PCDHGA2: variants seen among roughly 807,000 people sequenced by gnomAD.
PCDHGA2 encodes protocadherin gamma subfamily A, 2.
PCDHGA2 carries 40 observed loss-of-function variants against 59.2 expected under a neutral mutation model. The ratio of observed to expected loss-of-function variants is 0.68; its 90% CI spans 0.52 to 0.88. The LOEUF (loss-of-function observed/expected upper bound fraction) is 0.88. PCDHGA2 is among the 40% of genes least tolerant of loss of function. PCDHGA2 has a pLI of 0.00. For missense variants in PCDHGA2, 1,226 were observed against 1,204.0 expected (o/e 1.02, Z -0.27); for synonymous variants, 560 against 526.0 (o/e 1.06, Z -0.89).
intron 1 of PCDHGA2, chr5:141,346,041 G>A (rs1757686734): frequency 1.2e-6 from 2 of 1,613,522 alleles, no homozygotes; most frequent in Non-Finnish European, 1.7e-6. Flanking sequence ...CAGGATCCCC[G>A]ACATCCTGGC....
intron 1 of PCDHGA2, chr5:141,414,817 A>C: frequency 6.2e-7 from 1 of 1,614,214 alleles, no homozygotes; most frequent in Non-Finnish European, 8.5e-7. Context: ...TCCACTCAGC[A>C]GCAACGTGTC....
chr5:141,383,072 AG>A lies in PCDHGA2; in HGVS notation c.2424+41678del, dbSNP rs747790551. ...AAGGACCTGGGGCTGGAGCCCCGGG[AG>A]CTGGCGGAGCGCGGAGTCCGCATCA... On this transcript the variant is annotated intron_variant, in intron 1 of 3. Transcript: ENST00000394576. The A allele has an allele frequency of 4.3e-6, 7 of 1,613,710 alleles. No homozygotes were observed. In the African/African-American group the frequency reaches 6.7e-5, roughly 15 times the overall value.
At chr5:141,403,960 G>A (rs775638627) in intron 1 of PCDHGA2, 10 of 1,613,658 alleles carry the variant, frequency 6.2e-6, no homozygotes, top group East Asian at 4.5e-5. Flanking sequence ...TGCTCATTTC[G>A]GTGGAAGATG....
intron 1 of PCDHGA2, chr5:141,418,610 C>T: frequency 6.2e-7 from 1 of 1,614,054 alleles, no homozygotes; most frequent in Non-Finnish European, 8.5e-7. Context: ...CAGGGTTAGC[C>T]TTCGGGAAGA....
In PCDHGA2 at chr5:141,431,775, A is replaced by T; in HGVS notation, c.2425-63032A>T. 6.2e-7 allele frequency: 1 copy of T among 1,614,204 alleles called. No homozygotes were observed. Among genetic ancestry groups the T allele is most frequent in the Non-Finnish European group, 8.5e-7 (1 of 1,180,024 alleles). ...GCCAAAGTCCTGATCACTGTTCTGG[A>T]CGTGAACGACAATGCCCCAGAAGTG... On this transcript the variant is annotated intron_variant, in intron 1 of 3. Transcript: ENST00000394576. This position sits in a 1 kb window ranked among gnomAD's most constrained non-coding sequence, Gnocchi z 4.8.
intron 1 of PCDHGA2, chr5:141,414,681 G>A: frequency 6.2e-7 from 1 of 1,613,954 alleles, no homozygotes; most frequent in African/African-American, 1.3e-5. Context: ...CCATCCAGGG[G>A]GTACCTCTGT....
Position 141,491,095 on chromosome 5 carries a change from T to C in PCDHGA2, c.2425-3712T>C, listed in dbSNP as rs1366401829. On this transcript the variant is annotated intron_variant, in intron 1 of 3. Coordinates refer to ENST00000394576, the MANE Select transcript of PCDHGA2 (RefSeq NM_018915.4). The surrounding 1 kb of genome is among the most constrained non-coding windows in gnomAD (Gnocchi z 6.9). ...GCCACAGTCCACAGCCCCAGGACTG[T>C]TCCTCGTGTCTACACACACTGGTGA... The C allele has an allele frequency of 3.7e-6, 6 of 1,614,154 alleles. No homozygotes were observed. The highest frequency in any genetic ancestry group is 4.2e-6 in the Non-Finnish European group (5 of 1,180,014).
intron 3 of PCDHGA2, 110 bp from the exon 4 acceptor site, chr5:141,510,837 G>A (rs969654751): frequency 1.3e-6 from 2 of 1,586,392 alleles, no homozygotes; most frequent in Non-Finnish European, 8.6e-7. Context: ...GCTCAGCGTG[G>A]TCAAGGCCCA....
chr5:141,478,092 C>T (rs2099429960), intron 1 of PCDHGA2: 1 of 1,614,156 alleles, frequency 6.2e-7, no homozygotes, highest in Non-Finnish European at 8.5e-7. Flanking sequence ...CTCTCCACCA[C>T]TGCTACCCTC....
At chr5:141,507,724 G>A (rs2099862962) in intron 3 of PCDHGA2, among the ~76,000 whole-genome samples, 1 of 152,256 alleles carries the variant, frequency 6.6e-6, no homozygotes. Context: ...CTCCAAGCAA[G>A]TCATGCAGCT....
chr5:141,397,910 C>T lies in PCDHGA2; in HGVS notation c.2424+56515C>T. 5 of 680,806 alleles carry T rather than the reference C, an allele frequency of 7.3e-6. No individual in the cohort carries two copies. The South Asian group carries it at 8.1e-5, about 11-fold the overall frequency. 42.2% of individuals were successfully genotyped at this position (680,806 alleles called of 1,614,324 possible). On this transcript the variant is annotated intron_variant, in intron 1 of 3. Transcript: ENST00000394576. ...TGGCCAAAGTGCAGAGCTTGGCGCT[C>T]CAGATCTCCTCGCGCAGCCGCAGCG...
At chr5:141,478,163 C>T (rs779617960) in intron 1 of PCDHGA2, 1 of 1,614,028 alleles carries the variant, frequency 6.2e-7, no homozygotes, top group Non-Finnish European at 8.5e-7. Context: ...TGGCTCTGCC[C>T]CCCGGGAGCA....
At position 141,489,800 on chromosome 5, in the gene PCDHGA2, A is replaced by T. The variant is rs2099692478; in HGVS notation, c.2425-5007A>T. 1 of 1,614,166 alleles carries T rather than the reference A, an allele frequency of 6.2e-7. No homozygotes were observed. Among genetic ancestry groups the T allele is most frequent in the Non-Finnish European group, 8.5e-7 (1 of 1,179,994 alleles). On this transcript the variant is annotated intron_variant, in intron 1 of 3. Coordinates refer to ENST00000394576, the MANE Select transcript of PCDHGA2 (RefSeq NM_018915.4). This position sits in a 1 kb window ranked among gnomAD's most constrained non-coding sequence, Gnocchi z 4.5. ...TCTCTGAATGTGAAGACCCTAAAAG[A>T]TGGGAAGCCATTCCCAGAGCTGGTG...
At chr5:141,499,019 AGGAAGGAAGAAAAG>A (rs2099788655) in intron 2 of PCDHGA2, among the ~76,000 whole-genome samples, 1 of 150,840 alleles carries the variant, frequency 6.6e-6, no homozygotes, top group Non-Finnish European at 1.5e-5. Flanking sequence ...GAAGGAAGGA[AGGAAGGAAGAAAAG>A]AAAGAAAAAG....
In PCDHGA2 at chr5:141,422,440, T is replaced by G. The variant is rs1028472076; in HGVS notation, c.2425-72367T>G. 11 of 1,610,116 alleles carry G rather than the reference T, an allele frequency of 6.8e-6. No homozygotes were observed. The highest frequency in any genetic ancestry group is 2.7e-5 in the African/African-American group (2 of 74,560). On this transcript the variant is annotated intron_variant, in intron 1 of 3. Transcript: ENST00000394576. ...AAAGACTTATGGAAATTATTACAAATTGATAACAAGCAGAGTGCTGGACAG... is the reference window on the plus strand; with the variant it reads ...AAAGACTTATGGAAATTATTACAAAGTGATAACAAGCAGAGTGCTGGACAG...
intron 1 of PCDHGA2, chr5:141,478,843 C>G: frequency 7.2e-7 from 1 of 1,398,442 alleles, no homozygotes; most frequent in South Asian, 1.5e-5. Flanking sequence ...GATGGTTAAG[C>G]TAAAACACAA....
In PCDHGA2 at chr5:141,431,304, T is replaced by G. The variant is rs749116196; in HGVS notation, c.2425-63503T>G. The G allele has an allele frequency of 7.4e-6, 12 of 1,614,104 alleles. No individual in the cohort carries two copies. Among genetic ancestry groups the G allele is most frequent in the Non-Finnish European group, 9.3e-6 (11 of 1,180,030 alleles). On this transcript the variant is annotated intron_variant, in intron 1 of 3. Coordinates refer to ENST00000394576, the MANE Select transcript of PCDHGA2 (RefSeq NM_018915.4). The surrounding 1 kb of genome is among the most constrained non-coding windows in gnomAD (Gnocchi z 4.8). ...CCGAACACTCACTTCTCCCTCATCGTGCAAAATGGAGCCGACGGTAGTAAG... is the reference window on the plus strand; with the variant it reads ...CCGAACACTCACTTCTCCCTCATCGGGCAAAATGGAGCCGACGGTAGTAAG...
chr5:141,423,513 G>C, intron 1 of PCDHGA2: 3 of 1,613,750 alleles, frequency 1.9e-6, no homozygotes, highest in Non-Finnish European at 1.7e-6. Flanking sequence ...CTCTCATTGC[G>C]GACTCGCAGA....
chr5:141,374,475 C>T (rs765909880), intron 1 of PCDHGA2: 4 of 1,612,136 alleles, frequency 2.5e-6, no homozygotes, highest in Admixed American at 1.7e-5. Context: ...GACAATACAC[C>T]CCGATTCTTA....
Sources: allele counts gnomAD v4.1 joint callset (sites outside exome capture counted in the v4.1 genomes callset), GRCh38; gene constraint gnomAD v4.1.1; non-coding constraint Gnocchi (gnomAD v3.1); transcripts MANE v1.5; gene names NCBI Gene and HGNC (gene_info 2026-07-23, HGNC 2026-07-21).